Variants in PCYT1A observed in about 807,000 individuals in gnomAD.
The protein encoded by PCYT1A is phosphate cytidylyltransferase 1A, choline, also known as choline-phosphate cytidylyltransferase A.
PCYT1A carries 25 observed loss-of-function variants against 43.7 expected under a neutral mutation model. That is an observed-to-expected ratio of 0.57 (90% confidence interval 0.42 to 0.80). PCYT1A has a LOEUF of 0.80. Among genes scored for constraint, PCYT1A ranks in the 30% least tolerant of loss-of-function variants. The probability of loss-of-function intolerance (pLI) is 0.00; values close to 1 mark genes in which losing one functional copy is unlikely to be tolerated. For missense variants in PCYT1A, 421 were observed against 474.2 expected, an observed-to-expected ratio of 0.89 and a Z score of 1.04; for synonymous variants, 172 against 170.7, an observed-to-expected ratio of 1.01 and a Z score of -0.06.
At chr3:196,267,338 G>A (rs1428829208) in intron 2 of PCYT1A, 3 of 456,282 alleles carry the variant, frequency 6.6e-6, no homozygotes. Context: ...TCAGAAAGCA[G>A]ATTAGTGGCT....
intron 1 of PCYT1A, among the ~76,000 whole-genome samples, chr3:196,286,061 C>CTTTT (rs533707821): frequency 9.6e-5 from 12 of 124,494 alleles, no homozygotes; most frequent in Admixed American, 2.6e-4. Context: ...ACCACTGTCC[C>CTTTT]TTTTTTTTTT....
At chr3:196,255,304 G>A (rs1724921275) in intron 3 of PCYT1A, among the ~76,000 whole-genome samples, 1 of 152,160 alleles carries the variant, frequency 6.6e-6, no homozygotes, top group African/African-American at 2.4e-5. Flanking sequence ...TGCTTACAAT[G>A]AGTAGCACCA....
Position 196,242,044 on chromosome 3 carries a change from G to A in PCYT1A, c.612C>T (p.Asp204=), listed in dbSNP as rs1348840137. Residue 204 remains aspartate, a synonymous_variant, in exon 7 of 9, where the codon GAC becomes GAT. Coordinates refer to ENST00000431016, the MANE Select transcript of PCYT1A (RefSeq NM_001312673.2). This position sits in a 1 kb window ranked among gnomAD's most constrained non-coding sequence, Gnocchi z 4.2. ...AATCCCGCACAATTCGGGTGATGAT[G>A]TCTGATGTGGAGATACCTTCTGTCC... ...TQRTEGISTS[D]IITRIVRDYD... The A allele has an allele frequency of 3.7e-6, 6 of 1,613,996 alleles. No homozygotes were observed. The highest frequency in any genetic ancestry group is 4.2e-6 in the Non-Finnish European group (5 of 1,179,992).
At chr3:196,266,938 A>G (rs1725290646) in intron 2 of PCYT1A, among the ~76,000 whole-genome samples, 1 of 152,058 alleles carries the variant, frequency 6.6e-6, no homozygotes, top group Non-Finnish European at 1.5e-5. Context: ...TGGGAGGCCG[A>G]GGCGGGCGGA....
At chr3:196,265,185 T>C (rs1725230474) in intron 2 of PCYT1A, among the ~76,000 whole-genome samples, 1 of 151,992 alleles carries the variant, frequency 6.6e-6, no homozygotes, top group South Asian at 2.1e-4. Context: ...TGCCTCAGTC[T>C]CCTGAGTAGC....
chr3:196,279,449 C>T (rs573721045), intron 1 of PCYT1A, among the ~76,000 whole-genome samples: 4 of 152,132 alleles, frequency 2.6e-5, no homozygotes, highest in Admixed American at 1.3e-4. Flanking sequence ...CCCCCAACAC[C>T]CTGCCTGCTA....
chr3:196,263,538 G>A (rs771984319), intron 2 of PCYT1A, among the ~76,000 whole-genome samples: 9 of 151,936 alleles, frequency 5.9e-5, no homozygotes, highest in East Asian at 1.9e-4. Context: ...ATAATGCCAC[G>A]GGAAACGCTA....
intron 5 of PCYT1A, among the ~76,000 whole-genome samples, chr3:196,245,511 C>T (rs1724534152): frequency 1.3e-5 from 2 of 152,140 alleles, no homozygotes; most frequent in South Asian, 2.1e-4. Context: ...TAATGTTGTT[C>T]GGAGGCGTGC....
chr3:196,283,197 C>T (rs1560180392), intron 1 of PCYT1A, among the ~76,000 whole-genome samples: 5 of 152,190 alleles, frequency 3.3e-5, no homozygotes, highest in Admixed American at 6.6e-5. Flanking sequence ...ATTAGCTGGG[C>T]GTGGTGGCGG....
chr3:196,263,044 C>T (rs1213711883), intron 2 of PCYT1A, among the ~76,000 whole-genome samples: 4 of 152,064 alleles, frequency 2.6e-5, no homozygotes, highest in African/African-American at 7.2e-5. Flanking sequence ...CCACCCGCCT[C>T]GGCCTCCCAA....
At chr3:196,261,941 A>G (rs1253592048) in intron 2 of PCYT1A, among the ~76,000 whole-genome samples, 1 of 152,152 alleles carries the variant, frequency 6.6e-6, no homozygotes, top group Admixed American at 6.6e-5. Context: ...TCCTAAGTAT[A>G]GGGAGTGAAA....
Position 196,238,622 on chromosome 3 carries a change from A to C in PCYT1A, c.*66T>G. 9.1e-7 allele frequency: 1 copy of C among 1,097,868 alleles called. No homozygotes were observed. The highest frequency in any genetic ancestry group is 1.3e-6 in the Non-Finnish European group (1 of 784,666). The allele number at this position is 1,097,868 out of a possible 1,614,324, so 68.0% of individuals were successfully genotyped here. ...GTTTAGTGTTGGGGTCACAATTTGG[A>C]ATTCAACAGAGAGCTTCTGAAGGTA... On this transcript the variant is annotated 3_prime_UTR_variant, in exon 9 of 9. Transcript: ENST00000431016.
rs568610550 is a variant in PCYT1A, at chr3:196,279,991, C to T, written c.-11+7624G>A. Among the ~76,000 whole-genome samples, 40 of 151,986 alleles carry T rather than the reference C, an allele frequency of 2.6e-4. No individual in the cohort carries two copies. The South Asian group carries it at 6.7e-3, about 25-fold the overall frequency. Reference sequence around the variant, plus strand: ...CTGGGATTACAGGCATGCACCACCACGCCTGGCTAATTTTGTATTTTTAGT... The same window carrying T: ...CTGGGATTACAGGCATGCACCACCATGCCTGGCTAATTTTGTATTTTTAGT... On this transcript the variant is annotated intron_variant, in intron 1 of 8. Coordinates refer to ENST00000431016, the MANE Select transcript of PCYT1A (RefSeq NM_001312673.2).
At chr3:196,239,505 C>A in intron 8 of PCYT1A, 42 bp downstream of exon 8, 1 of 1,303,338 alleles carries the variant, frequency 7.7e-7, no homozygotes, top group Non-Finnish European at 1.1e-6. Flanking sequence ...ATTCTTTCCA[C>A]AACATGGAAC....
intron 3 of PCYT1A, among the ~76,000 whole-genome samples, chr3:196,253,229 C>T (rs113678612): frequency 0.12 from 17,999 of 150,662 alleles, 1,164 homozygotes; most frequent in South Asian, 0.19. Flanking sequence ...CCCAGCTACT[C>T]GGGAGGCTGA....
At chr3:196,254,600 C>T (rs769951873) in intron 3 of PCYT1A, among the ~76,000 whole-genome samples, 21 of 152,152 alleles carry the variant, frequency 1.4e-4, no homozygotes, top group Non-Finnish European at 2.4e-4. Context: ...ATCCTTCTGC[C>T]TTGGCCTCCC....
At chr3:196,267,273 C>T (rs765001749) in intron 2 of PCYT1A, 1 of 455,858 alleles carries the variant, frequency 2.2e-6, no homozygotes, top group South Asian at 1.6e-5. Context: ...CCCCAAAGAC[C>T]ACATACCGTA....
At chr3:196,286,060 C>CT (rs1725902895) in intron 1 of PCYT1A, among the ~76,000 whole-genome samples, 1 of 128,318 alleles carries the variant, frequency 7.8e-6, no homozygotes, top group South Asian at 2.9e-4. Context: ...TACCACTGTC[C>CT]CTTTTTTTTT....
chr3:196,269,765 A>C (rs1725377693), intron 2 of PCYT1A, among the ~76,000 whole-genome samples: 1 of 152,226 alleles, frequency 6.6e-6, no homozygotes, highest in Non-Finnish European at 1.5e-5. Flanking sequence ...TAGAGGGAGA[A>C]AAAACAGCAG....
Sources: gnomAD v4.1 joint callset for allele counts (sites outside exome capture counted in the v4.1 genomes callset) on GRCh38, gnomAD v4.1.1 for gene constraint, Gnocchi (gnomAD v3.1) non-coding constraint, MANE v1.5 for transcripts, NCBI Gene and HGNC (gene_info 2026-07-23, HGNC 2026-07-21) for gene names.